The following VAV2 variants were observed in gnomAD, a reference collection of about 807,000 sequenced individuals.
VAV2 encodes the protein guanine nucleotide exchange factor VAV2.
A neutral mutation model predicts 132.5 loss-of-function variants in VAV2; 67 were observed. That is an observed-to-expected ratio of 0.51 (90% CI 0.42 to 0.62). The LOEUF (loss-of-function observed/expected upper bound fraction) is 0.62, where lower values mean the gene tolerates loss of function less well. Ranked by LOEUF, VAV2 falls within the 20% of genes least tolerant of loss-of-function variation. The probability of loss-of-function intolerance (pLI) is 0.00; values close to 1 mark genes in which losing one functional copy is unlikely to be tolerated. For missense variants in VAV2, 938 were observed against 1,153.6 expected (o/e 0.81, Z 2.71); for synonymous variants, 492 against 443.5 (o/e 1.11, Z -1.37).
At chr9:133,822,299 A>G (rs1015590236) in intron 4 of VAV2, among the ~76,000 whole-genome samples, 2 of 152,222 alleles carry the variant, frequency 1.3e-5, no homozygotes, top group Non-Finnish European at 2.9e-5. Context: ...CAAGCAGGGT[A>G]CCAAGCTGCC....
chr9:133,764,089 C>T lies in VAV2; in HGVS notation c.2610G>A (p.Thr870=), dbSNP rs140064059. 6 of 1,613,778 alleles carry T rather than the reference C, an allele frequency of 3.7e-6. No individual in the cohort carries two copies. Among genetic ancestry groups the T allele is most frequent in the South Asian group, 2.2e-5 (2 of 91,068 alleles). The part of the protein sequence containing the change: ...TNGRIGWFPS[T]YVEEEGIQ ...ACTGGATGCCCTCCTCTTCTACGTA[C>T]GTTGAAGGAAACCAGCCAATCTGAA... Residue 870 remains threonine, a synonymous_variant, in exon 30 of 30, where the codon ACG becomes ACA. Coordinates refer to ENST00000371850, the MANE Select transcript of VAV2 (RefSeq NM_001134398.2).
At chr9:133,851,953 A>T (rs1412783628) in intron 3 of VAV2, among the ~76,000 whole-genome samples, 1 of 151,084 alleles carries the variant, frequency 6.6e-6, no homozygotes, top group East Asian at 2.0e-4. Flanking sequence ...GGATGGATAC[A>T]TGGATGTATG....
intron 10 of VAV2, among the ~76,000 whole-genome samples, chr9:133,797,092 G>A (rs1033501879): frequency 2.0e-5 from 3 of 152,232 alleles, no homozygotes; most frequent in African/African-American, 4.8e-5. Context: ...CAGGCTCCAC[G>A]CAGAAACCAG....
intron 3 of VAV2, among the ~76,000 whole-genome samples, chr9:133,837,468 G>A (rs551341984): frequency 1.3e-5 from 2 of 152,280 alleles, no homozygotes; most frequent in South Asian, 4.1e-4. Context: ...GGCCCGAGGC[G>A]GGCGGATCAC....
intron 1 of VAV2, among the ~76,000 whole-genome samples, chr9:133,941,284 T>C (rs1407177267): frequency 6.6e-6 from 1 of 152,012 alleles, no homozygotes; most frequent in Non-Finnish European, 1.5e-5. Context: ...GGCGCACACC[T>C]GTAGTCCCAG....
At position 133,910,166 on chromosome 9, in the gene VAV2, C is replaced by T. The variant is rs142370616; in HGVS notation, c.321+28937G>A. Among the ~76,000 whole-genome samples the T allele has an allele frequency of 3.5e-3, 535 of 152,252 alleles. 8 individuals carry two copies. Among genetic ancestry groups the T allele is most frequent in the East Asian group, 0.012 (64 of 5,186 alleles). On this transcript the variant is annotated intron_variant, in intron 2 of 29. Coordinates refer to ENST00000371850, the MANE Select transcript of VAV2 (RefSeq NM_001134398.2). ...GAAGTGATGGCTGGAGCTCTTGCAGCCATTGTGAACCATGACCATGAGGAT... is the reference window on the plus strand; with the variant it reads ...GAAGTGATGGCTGGAGCTCTTGCAGTCATTGTGAACCATGACCATGAGGAT...
chr9:133,812,107 G>A lies in VAV2; in HGVS notation c.552+7C>T, dbSNP rs775854996. ...GGGAAGGGAGGGAGGAGCGGGGCAG[G>A]GCTCACCATGGGCTGCTGCACCTCC... On this transcript the variant is annotated splice_region_variant and intron_variant, in intron 5 of 29. Transcript: ENST00000371850. 5 of 1,613,576 alleles carry A rather than the reference G, an allele frequency of 3.1e-6. No homozygotes were observed. The highest frequency in any genetic ancestry group is 1.3e-5 in the African/African-American group (1 of 75,044).
intron 2 of VAV2, among the ~76,000 whole-genome samples, chr9:133,921,834 T>C (rs1304520319): frequency 6.6e-6 from 1 of 152,218 alleles, no homozygotes; most frequent in East Asian, 1.9e-4. Context: ...CAGAGCCCCA[T>C]CCGTCATGGA....
At chr9:133,793,133 G>A (rs985379050) in intron 12 of VAV2, among the ~76,000 whole-genome samples, 3 of 152,092 alleles carry the variant, frequency 2.0e-5, no homozygotes, top group Non-Finnish European at 4.4e-5. Context: ...CCCCCACTCC[G>A]GCGCCTGCCT....
In VAV2 at chr9:133,823,667, T is replaced by C. The variant is rs1378840621; in HGVS notation, c.449+10605A>G. 6.6e-6 allele frequency among the ~76,000 whole-genome samples: 1 copy of C among 152,212 alleles called. No homozygotes were observed. Among genetic ancestry groups the C allele is most frequent in the Non-Finnish European group, 1.5e-5 (1 of 68,044 alleles). ...CCTCTCATTCGGGCCGAAGCCCAGCTGCCTACTCCTTCCTGGAAAATGGCA... is the reference window on the plus strand; with the variant it reads ...CCTCTCATTCGGGCCGAAGCCCAGCCGCCTACTCCTTCCTGGAAAATGGCA... On this transcript the variant is annotated intron_variant, in intron 4 of 29. Transcript: ENST00000371850. This position sits in a 1 kb window ranked among gnomAD's most constrained non-coding sequence, Gnocchi z 5.5.
intron 3 of VAV2, among the ~76,000 whole-genome samples, chr9:133,855,579 C>A (rs2073930): frequency 0.093 from 14,150 of 152,272 alleles, 817 homozygotes; most frequent in South Asian, 0.14. Context: ...CCTCTCCCTG[C>A]ACGAGCCGCA....
chr9:133,764,644 G>A (rs1833375826), intron 29 of VAV2, among the ~76,000 whole-genome samples: 1 of 152,094 alleles, frequency 6.6e-6, no homozygotes, highest in Non-Finnish European at 1.5e-5. Context: ...CCAATAGAGG[G>A]ATTTAGACAA....
intron 1 of VAV2, among the ~76,000 whole-genome samples, chr9:133,984,831 C>T (rs955648005): frequency 1.7e-4 from 26 of 151,318 alleles, no homozygotes; most frequent in Middle Eastern, 3.2e-3. Flanking sequence ...TTACTTGAAC[C>T]GGGCAGGCAA....
intron 1 of VAV2, among the ~76,000 whole-genome samples, chr9:133,984,305 G>A (rs1842787424): frequency 2.7e-5 from 4 of 150,190 alleles, no homozygotes; most frequent in African/African-American, 9.8e-5. Flanking sequence ...ATGCACATCT[G>A]TAGTTTATTT....
chr9:133,990,935 GC>G (rs1417232201), intron 1 of VAV2, among the ~76,000 whole-genome samples: 2 of 152,004 alleles, frequency 1.3e-5, no homozygotes, highest in African/African-American at 4.8e-5. Flanking sequence ...CTTTGTCAGC[GC>G]CCCCCAACCC....
Position 133,788,593 on chromosome 9 carries a change from GGGCGAGCCCTGCCCTCACCTGGCTCACCA to G in VAV2, c.1275-136_1275-108del. 6.7e-7 allele frequency: 1 copy of G among 1,483,722 alleles called. No individual in the cohort carries two copies. The highest frequency in any genetic ancestry group is 9.1e-7 in the Non-Finnish European group (1 of 1,099,754). The allele number at this position is 1,483,722 out of a possible 1,614,324, so 91.9% of individuals were successfully genotyped here. On this transcript the variant is annotated intron_variant, in intron 14 of 29. Transcript: ENST00000371850. The surrounding 1 kb of genome is among the most constrained non-coding windows in gnomAD (Gnocchi z 5.3). ...GGCTCTGGCACGCGGCTCCCTCTCC[GGGCGAGCCCTGCCCTCACCTGGCTCACCA>G]GGCTAATGCTGAGCCTCGGTCAGGT...
Position 133,770,601 on chromosome 9 carries a change from A to C in VAV2, c.2224-100T>G, listed in dbSNP as rs1302646199. On this transcript the variant is annotated intron_variant, in intron 26 of 29. Transcript: ENST00000371850. ...TCCCACCTCTTGGTTCATGTGGGGG[A>C]GACTAGCTTCCTGGACTCCTCAGAA... 2.0e-6 allele frequency: 3 copies of C among 1,537,512 alleles called. No individual in the cohort carries two copies. The African/African-American group carries it at 4.1e-5, about 21-fold the overall frequency.
At chr9:133,837,389 A>G (rs1836512373) in intron 3 of VAV2, among the ~76,000 whole-genome samples, 1 of 152,234 alleles carries the variant, frequency 6.6e-6, no homozygotes, top group South Asian at 2.1e-4. Flanking sequence ...AATAAGGCAC[A>G]ACAGTCATTT....
intron 15 of VAV2, among the ~76,000 whole-genome samples, chr9:133,787,545 C>T (rs905211188): frequency 5.9e-5 from 9 of 152,282 alleles, no homozygotes; most frequent in Admixed American, 1.3e-4. Flanking sequence ...TGGGTCTGGA[C>T]GAGGGCTACA....
Sources: gnomAD v4.1 joint callset for allele counts (sites outside exome capture counted in the v4.1 genomes callset) on GRCh38, gnomAD v4.1.1 for gene constraint, Gnocchi (gnomAD v3.1) non-coding constraint, MANE v1.5 for transcripts, NCBI Gene and HGNC (gene_info 2026-07-23, HGNC 2026-07-21) for gene names.